The following BPTF variants were observed in gnomAD, a reference collection of about 807,000 sequenced individuals.
BPTF encodes bromodomain PHD finger transcription factor, also known as nucleosome-remodeling factor subunit BPTF.
BPTF carries 18 observed loss-of-function variants against 292.5 expected under a neutral mutation model. That is an observed-to-expected ratio of 0.06 (90% CI 0.04 to 0.09). The LOEUF is 0.09. Ranked by LOEUF, BPTF falls within the 10% of genes least tolerant of loss-of-function variation. The pLI is 1.00. For missense variants in BPTF, 2,726 were observed against 3,498.7 expected (o/e 0.78, Z 5.57); for synonymous variants, 1,225 against 1,251.9 (o/e 0.98, Z 0.45).
intron 15 of BPTF, among the ~76,000 whole-genome samples, chr17:67,926,575 T>C (rs1446258330): frequency 2.6e-5 from 4 of 151,672 alleles, no homozygotes; most frequent in South Asian, 2.1e-4. Flanking sequence ...CCGCCTGCCT[T>C]GGCCTCCCAA....
intron 7 of BPTF, among the ~76,000 whole-genome samples, chr17:67,897,255 C>T (rs1460040927): frequency 2.1e-5 from 3 of 144,802 alleles, no homozygotes; most frequent in Admixed American, 7.1e-5. Flanking sequence ...GCATGAGAAT[C>T]GCTTGAACCC....
intron 26 of BPTF, among the ~76,000 whole-genome samples, chr17:67,973,165 G>C (rs1204174777): frequency 6.7e-6 from 1 of 149,566 alleles, no homozygotes; most frequent in Non-Finnish European, 1.5e-5. Flanking sequence ...ACGAGGTCAG[G>C]AGATTGAGAC....
chr17:67,853,072 G>T (rs897288245), intron 1 of BPTF, among the ~76,000 whole-genome samples: 4 of 152,178 alleles, frequency 2.6e-5, no homozygotes, highest in South Asian at 4.1e-4. Flanking sequence ...AGAGGCGGAG[G>T]TCGCAGTGAG....
At chr17:67,860,654 A>C (rs1412854184) in intron 2 of BPTF, among the ~76,000 whole-genome samples, 3 of 152,336 alleles carry the variant, frequency 2.0e-5, no homozygotes, top group African/African-American at 7.2e-5. Context: ...CTAAAATAGA[A>C]ATTACCAGAT....
Position 67,825,871 on chromosome 17 carries a change from C to T in BPTF, c.147C>T (p.Gly49=). Residue 49 remains glycine, a synonymous_variant, in exon 1 of 28, where the codon GGC becomes GGT. Coordinates refer to ENST00000306378, the MANE Select transcript of BPTF (RefSeq NM_182641.4). ...CGCGGCACCGCGGCAGCAGCCGGGG[C>T]AGGTGGGCCGCCGCCCAGGCTGAGG... is the stretch of plus-strand genomic sequence containing the variant. ...LRSRHRGSSR[G]RWAAAQAEVA... is the part of the protein sequence containing the mutation. 19 of 1,014,274 alleles carry T rather than the reference C, an allele frequency of 1.9e-5. No homozygotes were observed. The highest frequency in any genetic ancestry group is 2.0e-5 in the Non-Finnish European group (17 of 850,616). The allele number at this position is 1,014,274 out of a possible 1,614,324, so 62.8% of individuals were successfully genotyped here.
rs1172437001 is a variant in BPTF at position 67,853,946 on chromosome 17, G to A, written c.620G>A (p.Arg207Gln). 6.2e-7 allele frequency: 1 copy of A among 1,605,890 alleles called. No individual in the cohort carries two copies. The highest frequency in any genetic ancestry group is 1.3e-5 in the African/African-American group (1 of 74,712). Residue 207 changes from arginine (R) to glutamine (Q), a missense_variant, in exon 2 of 28, where the codon CGA (arginine) becomes CAA (glutamine). Around this residue, in one of 22 missense-constraint regions of BPTF, gnomAD observed 153 missense variants for 178.3 expected, o/e 0.86. Transcript: ENST00000306378. ...HSTYSSTPGR[R>Q]KPRVHRPRSP... ...GTCACGTCTTTATCTACAGGTAGGC[G>A]AAAACCAAGAGTACATCGGCCTCGT...
intron 3 of BPTF, among the ~76,000 whole-genome samples, chr17:67,871,464 TA>T (rs1309006857): frequency 6.7e-6 from 1 of 149,406 alleles, no homozygotes; most frequent in Non-Finnish European, 1.5e-5. Flanking sequence ...AAAAAAAAAT[TA>T]TACAGTAAAT....
chr17:67,851,592 T>C (rs1396795945), intron 1 of BPTF, among the ~76,000 whole-genome samples: 4 of 152,362 alleles, frequency 2.6e-5, no homozygotes, highest in East Asian at 1.9e-4. Context: ...GTAGTGAGAA[T>C]AGTGTTTTAT....
At chr17:67,903,227 T>C (rs2061968346) in intron 7 of BPTF, among the ~76,000 whole-genome samples, 1 of 152,266 alleles carries the variant, frequency 6.6e-6, no homozygotes, top group Non-Finnish European at 1.5e-5. Context: ...CTTGTGAGAA[T>C]CAGAAATACT....
chr17:67,916,779 A>AG (rs2063028635), intron 11 of BPTF, among the ~76,000 whole-genome samples: 1 of 151,512 alleles, frequency 6.6e-6, no homozygotes, highest in Non-Finnish European at 1.5e-5. Flanking sequence ...AAAAAAAAAA[A>AG]AAAAAAGAAA....
chr17:67,891,441 A>C (rs9890622), intron 4 of BPTF: 15,387 of 154,326 alleles, frequency 0.1, 2,655 homozygotes, highest in African/African-American at 0.35. Context: ...ACAGAATTTC[A>C]GTGGAAATCT....
chr17:67,937,808 A>G (rs1173928150), intron 18 of BPTF, among the ~76,000 whole-genome samples: 1 of 152,296 alleles, frequency 6.6e-6, no homozygotes, highest in Non-Finnish European at 1.5e-5. Flanking sequence ...CCTACGCCAC[A>G]CTAGCTTTTC....
At chr17:67,974,173 T>G (rs573759341) in intron 26 of BPTF, 1 of 152,342 alleles carries the variant, frequency 6.6e-6, no homozygotes, top group African/African-American at 2.4e-5. Context: ...TCTCAGATAT[T>G]TATGTCAAAT....
At chr17:67,903,989 C>A in intron 8 of BPTF, 71 bp downstream of exon 8, 2 of 1,248,284 alleles carry the variant, frequency 1.6e-6, no homozygotes, top group Non-Finnish European at 2.2e-6. Context: ...ACTTTGAATA[C>A]TTACTAATTT....
intron 26 of BPTF, chr17:67,975,217 A>G (rs2069257938): frequency 6.6e-6 from 1 of 152,314 alleles, no homozygotes; most frequent in African/African-American, 2.4e-5. Context: ...ACATACTAAT[A>G]TTCGTATCAG....
intron 14 of BPTF, 106 bp from the exon 15 acceptor site, chr17:67,924,441 A>ATTTTAT (rs1385201143): frequency 1.7e-6 from 2 of 1,150,544 alleles, no homozygotes; most frequent in Admixed American, 2.4e-5. Context: ...AATTGAGATA[A>ATTTTAT]TATCATACCT....
chr17:67,932,139 C>T, intron 18 of BPTF, 120 bp downstream of exon 18: 1 of 791,702 alleles, frequency 1.3e-6, no homozygotes, highest in Non-Finnish European at 2.0e-6. Flanking sequence ...TCAAAGCATA[C>T]TAAATTTCTA....
chr17:67,870,452 G>A (rs2059653936), intron 3 of BPTF, among the ~76,000 whole-genome samples: 1 of 151,934 alleles, frequency 6.6e-6, no homozygotes, highest in Admixed American at 6.6e-5. Context: ...GAGTGTATTG[G>A]TAATGAATTG....
chr17:67,878,767 G>A (rs116233719), intron 4 of BPTF, among the ~76,000 whole-genome samples: 1,535 of 151,958 alleles, frequency 0.01, 27 homozygotes, highest in African/African-American at 0.035. Flanking sequence ...TTCTATAAAT[G>A]TTCTGTTTTT....
Sources: allele counts gnomAD v4.1 joint callset (sites outside exome capture counted in the v4.1 genomes callset), GRCh38; gene constraint gnomAD v4.1.1; regional missense constraint gnomAD v4.1.1; transcripts MANE v1.5; gene names NCBI Gene and HGNC (gene_info 2026-07-23, HGNC 2026-07-21).